The following ATXN10 variants were observed in gnomAD, a reference collection of about 807,000 sequenced individuals.
ATXN10 encodes the protein ataxin-10.
Under a neutral mutation model 52.9 loss-of-function variants are expected in ATXN10, and 28 were observed. The observed-to-expected ratio is 0.53, with a 90% confidence interval of 0.39 to 0.73. The LOEUF is 0.73. Among genes scored for constraint, ATXN10 ranks in the 30% least tolerant of loss-of-function variants. The pLI, the probability that ATXN10 is intolerant of heterozygous loss-of-function variation, is 0.00. For missense variants in ATXN10, 565 were observed against 577.0 expected, an observed-to-expected ratio of 0.98 and a Z score of 0.21; for synonymous variants, 226 against 221.5, an observed-to-expected ratio of 1.02 and a Z score of -0.18.
intron 10 of ATXN10, among the ~76,000 whole-genome samples, chr22:45,812,467 T>G (rs1172619268): frequency 2.6e-5 from 4 of 152,146 alleles, no homozygotes; most frequent in Non-Finnish European, 4.4e-5. Context: ...TGTGTGTGTA[T>G]TTATTTATCT....
At chr22:45,788,861 C>G (rs1927409543) in intron 9 of ATXN10, among the ~76,000 whole-genome samples, 1 of 152,102 alleles carries the variant, frequency 6.6e-6, no homozygotes, top group Admixed American at 6.5e-5. Context: ...GTTGTTCAGA[C>G]TGGTCTCGAA....
intron 1 of ATXN10, 178 bp downstream of exon 1, chr22:45,672,357 C>A: frequency 1.6e-6 from 1 of 619,400 alleles, no homozygotes; most frequent in Non-Finnish European, 2.1e-6. Context: ...GCCTCGTGCT[C>A]GTGGGTCCCC....
chr22:45,739,400 T>G (rs1925422745), intron 8 of ATXN10, among the ~76,000 whole-genome samples: 1 of 152,202 alleles, frequency 6.6e-6, no homozygotes, highest in South Asian at 2.1e-4. Flanking sequence ...GGTTTGCTGT[T>G]CATTATTTGC....
chr22:45,672,058 G>T lies in ATXN10; in HGVS notation c.-6G>T. 6.5e-7 allele frequency: 1 copy of T among 1,536,016 alleles called. No homozygotes were observed. The highest frequency in any genetic ancestry group is 1.2e-5 in the South Asian group (1 of 83,814). ...CGTCAGGCTCGACCCAGCTGTGAGC[G>T]GCAAGATGGCGGCGCCCAGGCCGCC... On this transcript the variant is annotated 5_prime_UTR_variant, in exon 1 of 12. Coordinates refer to ENST00000252934, the MANE Select transcript of ATXN10 (RefSeq NM_013236.4).
intron 10 of ATXN10, among the ~76,000 whole-genome samples, chr22:45,809,457 C>T (rs1326468219): frequency 1.3e-5 from 2 of 152,164 alleles, no homozygotes; most frequent in Admixed American, 1.3e-4. Flanking sequence ...ACTCTCTTAG[C>T]TATTTCTTCT....
rs1923856844 is a variant in ATXN10, at chr22:45,701,931, G to T, written c.489-758G>T. Among the ~76,000 whole-genome samples the T allele has an allele frequency of 6.6e-6, 1 of 152,110 alleles. No homozygotes were observed. On this transcript the variant is annotated intron_variant, in intron 4 of 11. Transcript: ENST00000252934. This position sits in a 1 kb window ranked among gnomAD's most constrained non-coding sequence, Gnocchi z 4.2. ...CCTGTGAAATAGAGGTTTTGTTATTGTATTTTATTTTTTATACCAGAAAAC... is the reference window on the plus strand; with the variant it reads ...CCTGTGAAATAGAGGTTTTGTTATTTTATTTTATTTTTTATACCAGAAAAC...
chr22:45,805,493 C>T lies in ATXN10; in HGVS notation c.1174-1466C>T, dbSNP rs566911033. ...ATGGAAAAATGCAATGTGGCATATC[C>T]GTACAATGCACTGTTCACGTTACTC... On this transcript the variant is annotated intron_variant, in intron 9 of 11. Coordinates refer to ENST00000252934, the MANE Select transcript of ATXN10 (RefSeq NM_013236.4). This position sits in a 1 kb window ranked among gnomAD's most constrained non-coding sequence, Gnocchi z 4.4. 1.1e-4 allele frequency among the ~76,000 whole-genome samples: 16 copies of T among 152,234 alleles called. No homozygotes were observed. Among genetic ancestry groups the T allele is most frequent in the African/African-American group, 3.6e-4 (15 of 41,532 alleles).
At chr22:45,722,317 G>C (rs1029776573) in intron 6 of ATXN10, among the ~76,000 whole-genome samples, 1 of 152,144 alleles carries the variant, frequency 6.6e-6, no homozygotes, top group Non-Finnish European at 1.5e-5. Context: ...GTCTGGTAGG[G>C]AGACCCGTAT....
chr22:45,762,486 C>A lies in ATXN10; in HGVS notation c.1173+21948C>A, dbSNP rs1193676906. Among the ~76,000 whole-genome samples the A allele has an allele frequency of 1.3e-5, 2 of 152,182 alleles. No individual in the cohort carries two copies. Among genetic ancestry groups the A allele is most frequent in the Non-Finnish European group, 2.9e-5 (2 of 68,020 alleles). ...GAGTGTTGGTGGGCTCCACCCTAGC[C>A]GAACCTGTGTCTGCACACCTGTTGT... On this transcript the variant is annotated intron_variant, in intron 9 of 11. Coordinates refer to ENST00000252934, the MANE Select transcript of ATXN10 (RefSeq NM_013236.4). This position sits in a 1 kb window ranked among gnomAD's most constrained non-coding sequence, Gnocchi z 4.3.
At chr22:45,747,453 G>A (rs147996491) in intron 9 of ATXN10, among the ~76,000 whole-genome samples, 1,988 of 150,722 alleles carry the variant, frequency 0.013, 38 homozygotes, top group African/African-American at 0.046. Context: ...GCAGTGCACC[G>A]TGATTGTGCC....
At chr22:45,831,894 C>T (rs1929004504) in intron 10 of ATXN10, among the ~76,000 whole-genome samples, 1 of 152,234 alleles carries the variant, frequency 6.6e-6, no homozygotes, top group East Asian at 1.9e-4. Context: ...CTCCACTGTA[C>T]CCATGGCTCT....
At chr22:45,806,820 G>A in intron 9 of ATXN10, 139 bp from the exon 10 acceptor site, 1 of 713,394 alleles carries the variant, frequency 1.4e-6, no homozygotes, top group Non-Finnish European at 2.5e-6. Flanking sequence ...GTAGTTCTGG[G>A]TTGATATAGA....
chr22:45,780,522 G>A lies in ATXN10; in HGVS notation c.1174-26437G>A, dbSNP rs952935286. Among the ~76,000 whole-genome samples, 9 of 150,518 alleles carry A rather than the reference G, an allele frequency of 6.0e-5. No homozygotes were observed. Among genetic ancestry groups the A allele is most frequent in the African/African-American group, 2.2e-4 (9 of 41,304 alleles). On this transcript the variant is annotated intron_variant, in intron 9 of 11. Coordinates refer to ENST00000252934, the MANE Select transcript of ATXN10 (RefSeq NM_013236.4). This position sits in a 1 kb window ranked among gnomAD's most constrained non-coding sequence, Gnocchi z 4.0. ...ACCCTGGCCCTGCTGTGGAGTGGAT[G>A]TGAACCTGTGCCAGCCTGTTTCCCC... is the stretch of plus-strand genomic sequence containing the variant.
At chr22:45,719,718 T>G (rs1924578297) in intron 6 of ATXN10, among the ~76,000 whole-genome samples, 1 of 152,226 alleles carries the variant, frequency 6.6e-6, no homozygotes, top group Non-Finnish European at 1.5e-5. Context: ...AAATGTTTTA[T>G]TTTTATTGAT....
chr22:45,757,504 G>A lies in ATXN10; in HGVS notation c.1173+16966G>A, dbSNP rs1206558767. Reference sequence around the variant, plus strand: ...GGAGAATGTTCCAAAGGGAGGTGTGGATGTTTCATTCAGTACTTTGGAGGG... The same window carrying A: ...GGAGAATGTTCCAAAGGGAGGTGTGAATGTTTCATTCAGTACTTTGGAGGG... On this transcript the variant is annotated intron_variant, in intron 9 of 11. Coordinates refer to ENST00000252934, the MANE Select transcript of ATXN10 (RefSeq NM_013236.4). This position sits in a 1 kb window ranked among gnomAD's most constrained non-coding sequence, Gnocchi z 4.6. Among the ~76,000 whole-genome samples the A allele has an allele frequency of 4.6e-5, 7 of 152,060 alleles. No homozygotes were observed. The highest frequency in any genetic ancestry group is 7.4e-5 in the Non-Finnish European group (5 of 68,000).
chr22:45,746,333 C>G (rs574253444), intron 9 of ATXN10, among the ~76,000 whole-genome samples: 1 of 149,816 alleles, frequency 6.7e-6, no homozygotes, highest in South Asian at 2.1e-4. Flanking sequence ...TTCCTCCTGT[C>G]TGAAATGTTT....
chr22:45,703,337 T>G (rs1034646842), intron 5 of ATXN10, among the ~76,000 whole-genome samples: 2 of 152,214 alleles, frequency 1.3e-5, no homozygotes, highest in African/African-American at 4.8e-5. Flanking sequence ...TTTCTTTGTC[T>G]TTTCAGAGGT....
chr22:45,788,987 C>T (rs546425977), intron 9 of ATXN10, among the ~76,000 whole-genome samples: 1 of 152,178 alleles, frequency 6.6e-6, no homozygotes, highest in South Asian at 2.1e-4. Flanking sequence ...AGGACCGTCA[C>T]CCCCAAGATA....
At chr22:45,739,323 AC>A (rs956286819) in intron 8 of ATXN10, among the ~76,000 whole-genome samples, 27 of 152,344 alleles carry the variant, frequency 1.8e-4, no homozygotes, top group African/African-American at 6.5e-4. Flanking sequence ...AGTATTACCA[AC>A]CTTGCTAAAA....
Sources: gnomAD v4.1 joint callset for allele counts (sites outside exome capture counted in the v4.1 genomes callset) on GRCh38, gnomAD v4.1.1 for gene constraint, Gnocchi (gnomAD v3.1) non-coding constraint, MANE v1.5 for transcripts, NCBI Gene and HGNC (gene_info 2026-07-23, HGNC 2026-07-21) for gene names.